Variants in CHN2 observed in about 807,000 individuals in gnomAD.
The protein encoded by CHN2 is chimerin 2, also known as beta-chimaerin.
CHN2 carries 35 observed loss-of-function variants against 56.3 expected under a neutral mutation model. The ratio of observed to expected loss-of-function variants is 0.62; its 90% CI spans 0.47 to 0.82. The LOEUF is 0.82. Ranked by LOEUF, CHN2 falls within the 40% of genes least tolerant of loss-of-function variation. The pLI, the probability that CHN2 is intolerant of heterozygous loss-of-function variation, is 0.00. For missense variants in CHN2, 491 were observed against 580.5 expected, an observed-to-expected ratio of 0.85 and a Z score of 1.58; for synonymous variants, 210 against 212.8, an observed-to-expected ratio of 0.99 and a Z score of 0.12.
At chr7:29,510,262 C>T (rs967090037) in intron 12 of CHN2, among the ~76,000 whole-genome samples, 2 of 152,114 alleles carry the variant, frequency 1.3e-5, no homozygotes, top group African/African-American at 4.8e-5. Flanking sequence ...CTGGCTGCCT[C>T]CAGTTCAAGG....
chr7:29,296,290 G>T (rs188254298), intron 1 of CHN2, among the ~76,000 whole-genome samples: 3 of 152,150 alleles, frequency 2.0e-5, no homozygotes, highest in Admixed American at 2.0e-4. Context: ...TCGCCATGTT[G>T]ACCAGGCTGG....
chr7:29,493,262 C>T (rs979165040), intron 7 of CHN2, among the ~76,000 whole-genome samples: 4 of 151,946 alleles, frequency 2.6e-5, no homozygotes, highest in African/African-American at 7.3e-5. Flanking sequence ...TACCATATAC[C>T]CTAGATGTGT....
intron 6 of CHN2, chr7:29,445,224 T>C (rs1783947522): frequency 6.6e-6 from 3 of 452,834 alleles, no homozygotes; most frequent in South Asian, 4.7e-5. Flanking sequence ...GCTAGATTCT[T>C]ATTGGGAACA....
chr7:29,377,933 G>A (rs539181214), intron 3 of CHN2, among the ~76,000 whole-genome samples: 20 of 152,290 alleles, frequency 1.3e-4, no homozygotes, highest in African/African-American at 4.3e-4. Context: ...CCCAACAAAG[G>A]CATATTTGGT....
chr7:29,483,514 A>G (rs1787589054), intron 7 of CHN2, among the ~76,000 whole-genome samples: 1 of 152,130 alleles, frequency 6.6e-6, no homozygotes, highest in Non-Finnish European at 1.5e-5. Flanking sequence ...TGGATTTCCT[A>G]GGGTTACTTG....
chr7:29,202,426 G>A (rs1242502443), intron 1 of CHN2, among the ~76,000 whole-genome samples: 1 of 152,184 alleles, frequency 6.6e-6, no homozygotes, highest in Non-Finnish European at 1.5e-5. Context: ...TCTAAGAAAA[G>A]GAAACAGTTC....
At chr7:29,151,221 GC>G (rs2128692237) in intron 2 of CHN2, among the ~76,000 whole-genome samples, 1 of 152,258 alleles carries the variant, frequency 6.6e-6, no homozygotes, top group Admixed American at 6.5e-5. Context: ...TCTAATAAGT[GC>G]TTCCACTCTT....
chr7:29,248,250 G>A (rs979749368), intron 1 of CHN2, among the ~76,000 whole-genome samples: 1 of 152,216 alleles, frequency 6.6e-6, no homozygotes, highest in East Asian at 1.9e-4. Context: ...AGGAAGAAGT[G>A]ACATGTGCTA....
At chr7:29,266,910 T>C (rs1417275247) in intron 1 of CHN2, among the ~76,000 whole-genome samples, 1 of 151,402 alleles carries the variant, frequency 6.6e-6, no homozygotes. Context: ...GTCTCCTCTT[T>C]TGGAAGAGCA....
intron 7 of CHN2, among the ~76,000 whole-genome samples, chr7:29,485,953 A>G (rs921963850): frequency 2.9e-4 from 44 of 152,066 alleles, no homozygotes; most frequent in Middle Eastern, 6.8e-3. Flanking sequence ...TGGAATATGG[A>G]TGGAGAGCAG....
At chr7:29,503,898 C>T (rs562982599) in intron 9 of CHN2, among the ~76,000 whole-genome samples, 58 of 152,294 alleles carry the variant, frequency 3.8e-4, no homozygotes, top group Non-Finnish European at 5.6e-4. Context: ...TATCCCTGCT[C>T]ATACTTTTGG....
intron 1 of CHN2, among the ~76,000 whole-genome samples, chr7:29,254,893 A>G (rs1788945771): frequency 6.6e-6 from 1 of 152,174 alleles, no homozygotes; most frequent in Non-Finnish European, 1.5e-5. Flanking sequence ...AGGTTTGCTT[A>G]AAGGAGATTG....
At chr7:29,344,550 C>T (rs1296941370) in intron 1 of CHN2, among the ~76,000 whole-genome samples, 2 of 152,110 alleles carry the variant, frequency 1.3e-5, no homozygotes, top group Non-Finnish European at 2.9e-5. Flanking sequence ...GCCTCTGGTT[C>T]CTGCAGGCCA....
chr7:29,322,533 A>T (rs1795441635), intron 1 of CHN2, among the ~76,000 whole-genome samples: 2 of 152,208 alleles, frequency 1.3e-5, no homozygotes, highest in South Asian at 4.1e-4. Context: ...GTGAAGATAA[A>T]AAGCAATAAT....
chr7:29,346,814 G>A (rs1239442748), intron 1 of CHN2, among the ~76,000 whole-genome samples: 1 of 152,114 alleles, frequency 6.6e-6, no homozygotes, highest in African/African-American at 2.4e-5. Flanking sequence ...TTGTCACTTT[G>A]CCAAGTGGAG....
At chr7:29,202,681 G>A (rs1270938347) in intron 1 of CHN2, among the ~76,000 whole-genome samples, 5 of 152,172 alleles carry the variant, frequency 3.3e-5, no homozygotes, top group Non-Finnish European at 7.3e-5. Flanking sequence ...TTTTCTCATC[G>A]GAGGCCCAGT....
At chr7:29,166,641 T>C (rs1371143298) in intron 2 of CHN2, among the ~76,000 whole-genome samples, 1 of 152,114 alleles carries the variant, frequency 6.6e-6, no homozygotes, top group Non-Finnish European at 1.5e-5. Flanking sequence ...TTGTCAAATA[T>C]TATGGCAAAA....
intron 6 of CHN2, among the ~76,000 whole-genome samples, chr7:29,405,662 G>T (rs1183965161): frequency 1.3e-5 from 2 of 152,154 alleles, no homozygotes; most frequent in Admixed American, 6.5e-5. Context: ...ACCTTTTCTG[G>T]ACTGAAGGCC....
chr7:29,213,283 C>G (rs1785092645), intron 1 of CHN2: 1 of 814,080 alleles, frequency 1.2e-6, no homozygotes, highest in Admixed American at 1.7e-5. Flanking sequence ...CTCCCCTCCT[C>G]CCCTCCCTGA....
Sources: gnomAD v4.1 joint callset for allele counts (sites outside exome capture counted in the v4.1 genomes callset) on GRCh38, gnomAD v4.1.1 for gene constraint, MANE v1.5 for transcripts, NCBI Gene and HGNC (gene_info 2026-07-23, HGNC 2026-07-21) for gene names.